The following SHTN1 variants were observed in gnomAD, a reference collection of about 807,000 sequenced individuals.
SHTN1 encodes the protein shootin-1.
A neutral mutation model predicts 83.1 loss-of-function variants in SHTN1; 42 were observed. The ratio of observed to expected loss-of-function variants is 0.51; its 90% CI spans 0.39 to 0.65. The LOEUF is 0.65. Among genes scored for constraint, SHTN1 ranks in the 30% least tolerant of loss-of-function variants. The pLI, the probability that SHTN1 is intolerant of heterozygous loss-of-function variation, is 0.00. For missense variants in SHTN1, 622 were observed against 737.8 expected, an observed-to-expected ratio of 0.84 and a Z score of 1.82; for synonymous variants, 224 against 247.7, an observed-to-expected ratio of 0.90 and a Z score of 0.90.
rs1847077062 is a variant in SHTN1 at position 116,883,340 on chromosome 10, A to G, written c.*3004T>C. 1.3e-5 allele frequency: 2 copies of G among 152,316 alleles called. No individual in the cohort carries two copies. Among genetic ancestry groups the G allele is most frequent in the South Asian group, 4.1e-4 (2 of 4,832 alleles). 9.4% of individuals were successfully genotyped at this position (152,316 alleles called of 1,614,324 possible). On this transcript the variant is annotated 3_prime_UTR_variant, in exon 17 of 17. Transcript: ENST00000355371. ...ATATTATCTGTGAAAGAAATGAAAG[A>G]AACAGTCACATACCAAATTAAAATG...
At chr10:116,887,610 TCAG>T (rs1439766908) in intron 16 of SHTN1, among the ~76,000 whole-genome samples, 2 of 152,096 alleles carry the variant, frequency 1.3e-5, no homozygotes, top group Non-Finnish European at 2.9e-5. Context: ...TCTGACCCCT[TCAG>T]CAGGTCAGAG....
At chr10:116,974,975 A>G (rs1850746679) in intron 2 of SHTN1, among the ~76,000 whole-genome samples, 3 of 152,340 alleles carry the variant, frequency 2.0e-5, no homozygotes, top group African/African-American at 7.2e-5. Flanking sequence ...GGTTGATTGC[A>G]AAATATATAG....
chr10:117,063,225 C>G (rs571349674), intron 1 of SHTN1, among the ~76,000 whole-genome samples: 2 of 152,236 alleles, frequency 1.3e-5, no homozygotes, highest in East Asian at 3.9e-4. Context: ...TTCCTGTTAG[C>G]CTTTACTAAC....
intron 2 of SHTN1, among the ~76,000 whole-genome samples, chr10:117,010,884 T>G (rs774979790): frequency 3.9e-5 from 6 of 152,176 alleles, no homozygotes; most frequent in Non-Finnish European, 5.9e-5. Flanking sequence ...CGTTTCACCA[T>G]AAAAACTCTT....
chr10:116,888,906 A>C (rs1847247712), intron 16 of SHTN1, among the ~76,000 whole-genome samples: 1 of 152,260 alleles, frequency 6.6e-6, no homozygotes, highest in East Asian at 1.9e-4. Context: ...TAGGAAATAA[A>C]GCTGCAGCCC....
At chr10:117,038,351 G>A (rs1852531725) in intron 2 of SHTN1, among the ~76,000 whole-genome samples, 1 of 151,220 alleles carries the variant, frequency 6.6e-6, no homozygotes, top group Admixed American at 6.6e-5. Flanking sequence ...TGTTGCCCAG[G>A]CTGGTCTTGA....
At chr10:116,935,551 G>A (rs1849127259) in intron 9 of SHTN1, among the ~76,000 whole-genome samples, 1 of 152,182 alleles carries the variant, frequency 6.6e-6, no homozygotes, top group African/African-American at 2.4e-5. Context: ...TGGATGTGCT[G>A]CTGGATTCAG....
At chr10:117,107,751 G>A (rs1384170648) in intron 1 of SHTN1, among the ~76,000 whole-genome samples, 1 of 152,228 alleles carries the variant, frequency 6.6e-6, no homozygotes, top group Non-Finnish European at 1.5e-5. Flanking sequence ...AAAGAAGATA[G>A]AAGTTTGGGG....
At chr10:116,935,247 T>A (rs187191077) in intron 9 of SHTN1, among the ~76,000 whole-genome samples, 1 of 152,344 alleles carries the variant, frequency 6.6e-6, no homozygotes, top group Admixed American at 6.5e-5. Flanking sequence ...TGTGCCAGTT[T>A]TCAAAGGAAA....
intron 11 of SHTN1, among the ~76,000 whole-genome samples, chr10:116,922,996 A>G (rs1848617340): frequency 6.6e-6 from 1 of 152,080 alleles, no homozygotes; most frequent in African/African-American, 2.4e-5. Context: ...ATAATAATGT[A>G]GAGTAAAAAG....
intron 1 of SHTN1, among the ~76,000 whole-genome samples, chr10:116,983,514 T>C (rs1002464455): frequency 1.3e-5 from 2 of 152,252 alleles, no homozygotes; most frequent in East Asian, 3.9e-4. Context: ...CTGAGAGCTG[T>C]ACTTGTCAAT....
In SHTN1 at chr10:116,884,685, A is replaced by T. The variant is rs550655795; in HGVS notation, c.*1659T>A. 6.3e-6 allele frequency: 1 copy of T among 157,926 alleles called. No homozygotes were observed. Among genetic ancestry groups the T allele is most frequent in the South Asian group, 1.8e-4 (1 of 5,514 alleles). 9.8% of individuals were successfully genotyped at this position (157,926 alleles called of 1,614,324 possible). ...GAAAGAAAACTCAATAAACCATCTT[A>T]GGGACTATTAAAAATTACTAAAGTT... On this transcript the variant is annotated 3_prime_UTR_variant, in exon 17 of 17. Coordinates refer to ENST00000355371, the MANE Select transcript of SHTN1 (RefSeq NM_001127211.3).
At chr10:117,025,658 C>T (rs773001873) in intron 2 of SHTN1, among the ~76,000 whole-genome samples, 13 of 152,218 alleles carry the variant, frequency 8.5e-5, no homozygotes, top group African/African-American at 2.9e-4. Flanking sequence ...CCCTTCCCAC[C>T]GCTTGAGGAG....
intron 1 of SHTN1, among the ~76,000 whole-genome samples, chr10:117,052,502 G>A (rs1235369376): frequency 6.6e-6 from 1 of 151,890 alleles, no homozygotes; most frequent in Non-Finnish European, 1.5e-5. Context: ...AAAGTTGGAG[G>A]ACTCACACTT....
At chr10:116,890,816 T>C (rs1298846645) in intron 16 of SHTN1, among the ~76,000 whole-genome samples, 2 of 152,180 alleles carry the variant, frequency 1.3e-5, no homozygotes, top group East Asian at 3.8e-4. Flanking sequence ...ATCAGAACAA[T>C]GGCAATGGCC....
chr10:117,075,909 G>T (rs1447481098), intron 1 of SHTN1, among the ~76,000 whole-genome samples: 2 of 152,180 alleles, frequency 1.3e-5, no homozygotes, highest in African/African-American at 4.8e-5. Context: ...GAGGCTGGGT[G>T]CAGTGGCTCA....
chr10:116,997,961 G>A (rs894948603), intron 1 of SHTN1, among the ~76,000 whole-genome samples: 1 of 152,112 alleles, frequency 6.6e-6, no homozygotes, highest in Non-Finnish European at 1.5e-5. Context: ...GCATGGTGGC[G>A]GGCGCCTGTA....
Position 116,885,339 on chromosome 10 carries a change from T to G in SHTN1, c.*1005A>C, listed in dbSNP as rs1286391678. The stretch of plus-strand genomic sequence containing the variant: ...AACACCAATTTTGAAACAATCAACT[T>G]TGAAAAGCTGCATAAGTTTTTTTTT... On this transcript the variant is annotated 3_prime_UTR_variant, in exon 17 of 17. Transcript: ENST00000355371. 6.6e-6 allele frequency: 1 copy of G among 152,650 alleles called. No individual in the cohort carries two copies. The highest frequency in any genetic ancestry group is 1.5e-5 in the Non-Finnish European group (1 of 68,040). The allele number at this position is 152,650 out of a possible 1,614,324, so 9.5% of individuals were successfully genotyped here. A position where few individuals can be genotyped will look rare whatever the true frequency, so the allele number is the denominator to read the frequency against.
At chr10:116,978,819 A>T (rs547935709) in intron 2 of SHTN1, among the ~76,000 whole-genome samples, 3 of 152,230 alleles carry the variant, frequency 2.0e-5, no homozygotes, top group Non-Finnish European at 4.4e-5. Flanking sequence ...AAGCAGACAT[A>T]TAAAGATTTA....
Sources: gnomAD v4.1 joint callset for allele counts (sites outside exome capture counted in the v4.1 genomes callset) on GRCh38, gnomAD v4.1.1 for gene constraint, MANE v1.5 for transcripts, NCBI Gene and HGNC (gene_info 2026-07-23, HGNC 2026-07-21) for gene names.